DLGAP2: variants seen among roughly 807,000 people sequenced by gnomAD.
DLGAP2 encodes disks large-associated protein 2.
In DLGAP2, 26 loss-of-function variants were observed where a neutral mutation model predicts 100.3. The ratio of observed to expected loss-of-function variants is 0.26; its 90% CI spans 0.19 to 0.36. The LOEUF (loss-of-function observed/expected upper bound fraction) is 0.36. Among genes scored for constraint, DLGAP2 ranks in the 10% least tolerant of loss-of-function variants. The probability of loss-of-function intolerance (pLI) is 1.00; values close to 1 mark genes in which losing one functional copy is unlikely to be tolerated. For missense variants in DLGAP2, 1,858 were observed against 1,453.2 expected, an observed-to-expected ratio of 1.28 and a Z score of -4.53; for synonymous variants, 886 against 630.1, an observed-to-expected ratio of 1.41 and a Z score of -6.08.
rs1272136306 is a variant in DLGAP2 at position 1,247,956 on chromosome 8, T to C, written c.74-10895T>C. On this transcript the variant is annotated intron_variant, in intron 2 of 14. Transcript: ENST00000637795. The stretch of plus-strand genomic sequence containing the variant: ...TGGCTGGGAAGACATTTGAGATCAG[T>C]GTGGAGTGATGGTCCACGTTGGTGG... 3.8e-3 allele frequency among the ~76,000 whole-genome samples: 16 copies of C among 4,240 alleles called. 8 individuals are homozygous for C. In the African/African-American group the frequency reaches 0.058, roughly 15 times the overall value. The allele number at this position is 4,240 out of a possible 152,430, so 2.8% of individuals were successfully genotyped here. A position where few individuals can be genotyped will look rare whatever the true frequency, so the allele number is the denominator to read the frequency against.
chr8:1,588,642 C>A (rs1256347299), intron 6 of DLGAP2, among the ~76,000 whole-genome samples: 1 of 149,722 alleles, frequency 6.7e-6, no homozygotes, highest in Non-Finnish European at 1.5e-5. Context: ...TGGCTCAGGC[C>A]TGTAATCCCA....
At chr8:1,364,088 C>T (rs1255349662) in intron 3 of DLGAP2, among the ~76,000 whole-genome samples, 1 of 152,326 alleles carries the variant, frequency 6.6e-6, no homozygotes, top group South Asian at 2.1e-4. Flanking sequence ...GCAGACCCCA[C>T]CTTTGGGATA....
rs1585825949 is a variant in DLGAP2 at position 753,373 on chromosome 8, C to A, written c.18+15548C>A. The A allele has an allele frequency of 2.6e-5, 4 of 152,308 alleles. No individual in the cohort carries two copies. The South Asian group carries it at 8.3e-4, about 32-fold the overall frequency. The allele number at this position is 152,308 out of a possible 1,614,324, so 9.4% of individuals were successfully genotyped here. ...CCCTGGTGGGTTTGTTTTGAAGCCC[C>A]CTCTAGGGAAATGGGACATTCAGTC... is the stretch of plus-strand genomic sequence containing the variant. On this transcript the variant is annotated intron_variant, in intron 1 of 14. Coordinates refer to ENST00000637795, the MANE Select transcript of DLGAP2 (RefSeq NM_001346810.2).
intron 1 of DLGAP2, among the ~76,000 whole-genome samples, chr8:796,800 C>G (rs1248460483): frequency 6.6e-6 from 1 of 152,212 alleles, no homozygotes; most frequent in Non-Finnish European, 1.5e-5. Context: ...TACATCTCCA[C>G]TGGCACCATG....
chr8:1,354,996 T>C (rs1266335044), intron 3 of DLGAP2, among the ~76,000 whole-genome samples: 1 of 145,780 alleles, frequency 6.9e-6, no homozygotes, highest in African/African-American at 2.6e-5. Context: ...CGGATGATGC[T>C]GCGGATGAGG....
chr8:1,249,354 C>G (rs1383646473), intron 2 of DLGAP2, among the ~76,000 whole-genome samples: 3 of 152,124 alleles, frequency 2.0e-5, no homozygotes, highest in African/African-American at 7.2e-5. Context: ...GAGTGGAGTG[C>G]ACTGTCACTG....
chr8:1,436,806 A>G (rs994270480), intron 3 of DLGAP2, among the ~76,000 whole-genome samples: 2 of 152,098 alleles, frequency 1.3e-5, no homozygotes, highest in Non-Finnish European at 2.9e-5. Context: ...AGTTCCATTC[A>G]TGGTGAGTGT....
At chr8:1,448,478 A>T (rs1029413965) in intron 3 of DLGAP2, among the ~76,000 whole-genome samples, 1 of 152,086 alleles carries the variant, frequency 6.6e-6, no homozygotes, top group African/African-American at 2.4e-5. Flanking sequence ...CTGTTCTTTT[A>T]CATTTGCTGA....
At chr8:1,530,167 A>G (rs1222858676) in intron 4 of DLGAP2, among the ~76,000 whole-genome samples, 3 of 152,162 alleles carry the variant, frequency 2.0e-5, no homozygotes, top group Non-Finnish European at 4.4e-5. Context: ...GCCTGGGAGC[A>G]CTATGGGAGA....
At chr8:744,002 G>A (rs199754255) in intron 1 of DLGAP2, among the ~76,000 whole-genome samples, 10 of 152,222 alleles carry the variant, frequency 6.6e-5, no homozygotes, top group Non-Finnish European at 1.0e-4. Context: ...CAAGTTTCAC[G>A]TGCCTTCACG....
chr8:1,255,585 CCTGAGCACT>C, intron 2 of DLGAP2, among the ~76,000 whole-genome samples: 1 of 132,338 alleles, frequency 7.6e-6, no homozygotes, highest in African/African-American at 3.3e-5. Flanking sequence ...TCCTTTCCTG[CCTGAGCACT>C]GTATGTGTGT....
intron 2 of DLGAP2, among the ~76,000 whole-genome samples, chr8:1,195,205 C>A (rs540396847): frequency 1.3e-5 from 2 of 152,300 alleles, no homozygotes; most frequent in Admixed American, 6.5e-5. Context: ...CCATGGTCAT[C>A]CCAGCTGGGA....
At chr8:1,146,698 G>T (rs13273462) in intron 2 of DLGAP2, among the ~76,000 whole-genome samples, 65,763 of 151,986 alleles carry the variant, frequency 0.43, 15,670 homozygotes, top group Non-Finnish European at 0.55. Context: ...TGTAGGGAGA[G>T]GGGGGGCTAC....
intron 2 of DLGAP2, among the ~76,000 whole-genome samples, chr8:1,098,941 T>G (rs1431066753): frequency 2.6e-5 from 4 of 152,204 alleles, no homozygotes; most frequent in Middle Eastern, 3.2e-3. Context: ...CCAAATGTGT[T>G]GCTAAATGGT....
intron 1 of DLGAP2, among the ~76,000 whole-genome samples, chr8:899,360 C>T (rs979318770): frequency 5.3e-5 from 8 of 152,198 alleles, no homozygotes; most frequent in Admixed American, 2.0e-4. Context: ...CCTGCACCTG[C>T]CTTCCCTGGG....
At chr8:793,495 G>A (rs754760857) in intron 1 of DLGAP2, among the ~76,000 whole-genome samples, 1 of 152,144 alleles carries the variant, frequency 6.6e-6, no homozygotes, top group Non-Finnish European at 1.5e-5. Flanking sequence ...CCCGCACCAC[G>A]CTGCTGGGTC....
At chr8:1,156,721 C>T (rs1225581067) in intron 2 of DLGAP2, among the ~76,000 whole-genome samples, 1 of 152,074 alleles carries the variant, frequency 6.6e-6, no homozygotes, top group Non-Finnish European at 1.5e-5. Flanking sequence ...CGACCCGGCT[C>T]AGCACCCCAA....
chr8:1,624,735 C>T (rs936648367), intron 6 of DLGAP2, among the ~76,000 whole-genome samples: 5 of 151,928 alleles, frequency 3.3e-5, no homozygotes, highest in African/African-American at 7.3e-5. Context: ...GCAGAGCTGC[C>T]CGTCCCACTG....
At chr8:1,026,073 G>A (rs894831037) in intron 2 of DLGAP2, among the ~76,000 whole-genome samples, 2 of 152,198 alleles carry the variant, frequency 1.3e-5, no homozygotes, top group Non-Finnish European at 2.9e-5. Flanking sequence ...ACTTCGTCCC[G>A]GCTTCCAGGA....
Sources: allele counts gnomAD v4.1 joint callset (sites outside exome capture counted in the v4.1 genomes callset), GRCh38; gene constraint gnomAD v4.1.1; transcripts MANE v1.5; gene names NCBI Gene and HGNC (gene_info 2026-07-23, HGNC 2026-07-21).